Variants in PAPPA2 observed in about 807,000 individuals in gnomAD.
PAPPA2 encodes the protein pappalysin 2, also known as pappalysin-2.
Under a neutral mutation model 176.4 loss-of-function variants are expected in PAPPA2, and 86 were observed. The ratio of observed to expected loss-of-function variants is 0.49; its 90% CI spans 0.41 to 0.58. PAPPA2 has a LOEUF of 0.58. Among genes scored for constraint, PAPPA2 ranks in the 20% least tolerant of loss-of-function variants. The probability of loss-of-function intolerance (pLI) is 0.00; values close to 1 mark genes in which losing one functional copy is unlikely to be tolerated. For synonymous variants in PAPPA2, 809 were observed against 852.2 expected, an observed-to-expected ratio of 0.95 and a Z score of 0.88; for missense variants, 2,073 against 2,256.9, an observed-to-expected ratio of 0.92 and a Z score of 1.65.
At chr1:176,798,191 A>G (rs1571343535) in intron 20 of PAPPA2, among the ~76,000 whole-genome samples, 1 of 152,224 alleles carries the variant, frequency 6.6e-6, no homozygotes, top group Admixed American at 6.5e-5. Flanking sequence ...TTATGAATTT[A>G]TTCTTCAGAT....
chr1:176,575,460 A>G (rs1388260067), intron 2 of PAPPA2, among the ~76,000 whole-genome samples: 2 of 152,142 alleles, frequency 1.3e-5, no homozygotes, highest in Non-Finnish European at 2.9e-5. Flanking sequence ...CCAGAGTGTA[A>G]AGTCAAATCT....
At chr1:176,623,800 TTTCTTTC>T (rs1233707436) in intron 3 of PAPPA2, among the ~76,000 whole-genome samples, 1 of 121,002 alleles carries the variant, frequency 8.3e-6, no homozygotes, top group Admixed American at 8.9e-5. Flanking sequence ...TCTTTCTTTC[TTTCTTTC>T]TTCTTTCTTT....
At chr1:176,604,333 C>T (rs551944418) in intron 3 of PAPPA2, among the ~76,000 whole-genome samples, 4 of 152,096 alleles carry the variant, frequency 2.6e-5, no homozygotes, top group South Asian at 2.1e-4. Flanking sequence ...GTAAATTCTA[C>T]GAGGGAAGGG....
intron 14 of PAPPA2, among the ~76,000 whole-genome samples, chr1:176,747,507 A>C (rs1662964589): frequency 6.6e-6 from 1 of 152,220 alleles, no homozygotes; most frequent in South Asian, 2.1e-4. Flanking sequence ...AGACCAAAAA[A>C]ATAAAAAAAT....
At chr1:176,545,698 C>T (rs896950297) in intron 1 of PAPPA2, among the ~76,000 whole-genome samples, 2 of 152,118 alleles carry the variant, frequency 1.3e-5, no homozygotes, top group Admixed American at 1.3e-4. Flanking sequence ...GGAACCCATT[C>T]CTTATGGAAA....
rs2102906155 is a variant in PAPPA2 at position 176,765,806 on chromosome 1, C to G, written c.4292C>G (p.Ala1431Gly). 4 of 1,614,056 alleles carry G rather than the reference C, an allele frequency of 2.5e-6. No homozygotes were observed. The highest frequency in any genetic ancestry group is 3.4e-6 in the Non-Finnish European group (4 of 1,179,990). ...TGTCAAAGGGGATTTGCCCTTCAGG[C>G]CAGCAGTGGGCAGTACATCAGGCCC... is the stretch of plus-strand genomic sequence containing the variant. ...ITCQRGFALQ[A>G]SSGQYIRPMQ... The change falls in exon 15 of 23, where the codon GCC becomes GGC. Residue 1431 changes from alanine (A) to glycine (G), a missense_variant. By Grantham distance (60) the Ala-to-Gly change is moderately conservative. Transcript: ENST00000367662.
intron 4 of PAPPA2, among the ~76,000 whole-genome samples, chr1:176,673,118 T>C (rs1300989557): frequency 2.0e-5 from 3 of 152,176 alleles, no homozygotes; most frequent in Non-Finnish European, 4.4e-5. Context: ...AGTCATAGCC[T>C]GCACTTCATG....
chr1:176,606,074 T>TAC (rs1057254048), intron 3 of PAPPA2, among the ~76,000 whole-genome samples: 4 of 151,450 alleles, frequency 2.6e-5, no homozygotes, highest in Admixed American at 6.6e-5. Flanking sequence ...TTTATATATA[T>TAC]ACACACACAC....
chr1:176,700,541 A>G lies in PAPPA2; in HGVS notation c.3236+952A>G, dbSNP rs546656639. Among the ~76,000 whole-genome samples the G allele has an allele frequency of 2.0e-5, 3 of 152,332 alleles. No homozygotes were observed. In the East Asian group the frequency reaches 5.8e-4, roughly 29 times the overall value. ...TTCCCACACAGCTGAGACAGCTGGCATGGCTGGGGAGATGAGGGCCTCTTT... is the reference window on the plus strand; with the variant it reads ...TTCCCACACAGCTGAGACAGCTGGCGTGGCTGGGGAGATGAGGGCCTCTTT... On this transcript the variant is annotated intron_variant, in intron 8 of 22. Coordinates refer to ENST00000367662, the MANE Select transcript of PAPPA2 (RefSeq NM_020318.3).
intron 21 of PAPPA2, among the ~76,000 whole-genome samples, chr1:176,815,737 G>A (rs1666350734): frequency 6.6e-6 from 1 of 152,108 alleles, no homozygotes; most frequent in Admixed American, 6.6e-5. Context: ...GATCTACACT[G>A]GTTCTGTAAG....
intron 1 of PAPPA2, among the ~76,000 whole-genome samples, chr1:176,498,593 T>C (rs555255267): frequency 1.3e-5 from 2 of 151,720 alleles, no homozygotes; most frequent in Admixed American, 1.3e-4. Context: ...CTCCTAAAAA[T>C]ACAAAAATTA....
At chr1:176,644,369 A>G (rs147918066) in intron 3 of PAPPA2, among the ~76,000 whole-genome samples, 23 of 151,782 alleles carry the variant, frequency 1.5e-4, no homozygotes, top group African/African-American at 5.6e-4. Context: ...ACCCAATAGG[A>G]CTTGTCCTGG....
At chr1:176,642,388 G>A (rs752016993) in intron 3 of PAPPA2, among the ~76,000 whole-genome samples, 3 of 151,700 alleles carry the variant, frequency 2.0e-5, no homozygotes, top group African/African-American at 4.8e-5. Context: ...ACAAGAAGAG[G>A]CTAGGTAGAA....
chr1:176,805,139 A>G (rs1170713436), intron 21 of PAPPA2, among the ~76,000 whole-genome samples: 1 of 150,352 alleles, frequency 6.7e-6, no homozygotes, highest in East Asian at 1.9e-4. Flanking sequence ...AGCCATATTT[A>G]TTAATTCTAC....
intron 17 of PAPPA2, 34 bp downstream of exon 17, chr1:176,771,214 C>T: frequency 2.5e-6 from 4 of 1,586,128 alleles, no homozygotes; most frequent in Middle Eastern, 1.7e-4. Context: ...TGGAGTTCTA[C>T]CTACCTCGCT....
intron 2 of PAPPA2, among the ~76,000 whole-genome samples, chr1:176,560,395 C>T (rs1651595010): frequency 6.6e-6 from 1 of 152,216 alleles, no homozygotes. Context: ...GCTTTGGGTG[C>T]TGAACGTCTC....
intron 1 of PAPPA2, among the ~76,000 whole-genome samples, chr1:176,522,783 C>G (rs1246524028): frequency 6.6e-6 from 1 of 152,166 alleles, no homozygotes; most frequent in Non-Finnish European, 1.5e-5. Flanking sequence ...CTTTCTAACT[C>G]TTCCACTTTG....
At chr1:176,675,799 G>A (rs946919735) in intron 4 of PAPPA2, among the ~76,000 whole-genome samples, 1 of 151,878 alleles carries the variant, frequency 6.6e-6, no homozygotes, top group Non-Finnish European at 1.5e-5. Flanking sequence ...CTGCAAACAA[G>A]GTGAATAGGA....
Position 176,689,885 on chromosome 1 carries a change from A to G in PAPPA2, c.2138-252A>G, listed in dbSNP as rs115607791. The stretch of plus-strand genomic sequence containing the variant: ...ACAGGGCTGAGAATTCTGGCTCTCT[A>G]TTATGTCAACATTGCTATCCTGGGC... On this transcript the variant is annotated intron_variant, in intron 4 of 22. Transcript: ENST00000367662. Among the ~76,000 whole-genome samples, 887 of 152,270 alleles carry G rather than the reference A, an allele frequency of 5.8e-3. 4 individuals carry two copies. The highest frequency in any genetic ancestry group is 9.0e-3 in the Non-Finnish European group (610 of 68,012).
Sources: gnomAD v4.1 joint callset for allele counts (sites outside exome capture counted in the v4.1 genomes callset) on GRCh38, gnomAD v4.1.1 for gene constraint, MANE v1.5 for transcripts, NCBI Gene and HGNC (gene_info 2026-07-23, HGNC 2026-07-21) for gene names.